Variants in SLC39A11 observed in about 807,000 individuals in gnomAD.
SLC39A11 encodes the protein solute carrier family 39 member 11, also known as zinc transporter ZIP11.
SLC39A11 carries 33 observed loss-of-function variants against 36.1 expected under a neutral mutation model. The observed-to-expected ratio is 0.91, with a 90% CI of 0.69 to 1.22. The LOEUF (loss-of-function observed/expected upper bound fraction) is 1.22, where lower values mean the gene tolerates loss of function less well. Among genes scored for constraint, SLC39A11 ranks in the 50% most tolerant of loss-of-function variants. The pLI is 0.00. For synonymous variants in SLC39A11, 166 were observed against 170.3 expected (o/e 0.97, Z 0.20); for missense variants, 432 against 430.3 (o/e 1.00, Z -0.03).
intron 2 of SLC39A11, among the ~76,000 whole-genome samples, chr17:73,088,154 C>G (rs376983753): frequency 7.2e-5 from 11 of 152,078 alleles, no homozygotes; most frequent in African/African-American, 2.4e-4. Flanking sequence ...ATTAGCCAGG[C>G]GTGGTGGCAC....
At chr17:72,869,411 T>C (rs1010802929) in intron 5 of SLC39A11, among the ~76,000 whole-genome samples, 3 of 152,348 alleles carry the variant, frequency 2.0e-5, no homozygotes, top group East Asian at 1.9e-4. Flanking sequence ...ATTTTTGAGA[T>C]GGAGTTTCGC....
At chr17:73,088,298 AAAAAAAG>A (rs1310246565) in intron 2 of SLC39A11, among the ~76,000 whole-genome samples, 37 of 151,154 alleles carry the variant, frequency 2.4e-4, no homozygotes, top group Middle Eastern at 3.4e-3. Flanking sequence ...TGTCTCAAAA[AAAAAAAG>A]AAAAAAGAAA....
intron 4 of SLC39A11, among the ~76,000 whole-genome samples, chr17:72,968,262 A>G (rs2087167540): frequency 1.3e-5 from 2 of 152,232 alleles, no homozygotes; most frequent in South Asian, 4.1e-4. Context: ...GTAACTATGG[A>G]GAGCCTGAGA....
chr17:72,783,004 CAAAAAA>C (rs34750819), intron 6 of SLC39A11, among the ~76,000 whole-genome samples: 2 of 81,008 alleles, frequency 2.5e-5, no homozygotes, highest in Non-Finnish European at 4.2e-5. Context: ...TCTGTCTCAA[CAAAAAA>C]AAAAAAAAAA....
chr17:72,837,578 A>G (rs1163041894), intron 6 of SLC39A11, among the ~76,000 whole-genome samples: 1 of 152,254 alleles, frequency 6.6e-6, no homozygotes, highest in Non-Finnish European at 1.5e-5. Flanking sequence ...ACAGGTCCAT[A>G]CAAAGACATA....
chr17:72,827,269 A>C (rs1401263365), intron 6 of SLC39A11, among the ~76,000 whole-genome samples: 1 of 152,246 alleles, frequency 6.6e-6, no homozygotes, highest in East Asian at 1.9e-4. Flanking sequence ...TTTCATTTAT[A>C]TGAAATGTTC....
chr17:72,853,467 T>C (rs2079476751), intron 5 of SLC39A11, among the ~76,000 whole-genome samples: 1 of 152,012 alleles, frequency 6.6e-6, no homozygotes, highest in Non-Finnish European at 1.5e-5. Flanking sequence ...AGGATCCTAC[T>C]CTGAATCTCC....
intron 5 of SLC39A11, among the ~76,000 whole-genome samples, chr17:72,906,423 T>C (rs1417006511): frequency 2.0e-5 from 3 of 152,228 alleles, no homozygotes; most frequent in Non-Finnish European, 4.4e-5. Flanking sequence ...GCTTCCTTCC[T>C]ACCCAAAACC....
intron 7 of SLC39A11, among the ~76,000 whole-genome samples, chr17:72,674,101 T>TA (rs1372474790): frequency 6.6e-6 from 1 of 152,140 alleles, no homozygotes; most frequent in East Asian, 1.9e-4. Context: ...TAGACTTGTA[T>TA]AGACAACTGT....
intron 5 of SLC39A11, among the ~76,000 whole-genome samples, chr17:72,927,400 C>T (rs2084111219): frequency 6.6e-6 from 1 of 152,178 alleles, no homozygotes; most frequent in Admixed American, 6.5e-5. Context: ...TGAAGCATTT[C>T]CAAGCCTGTT....
intron 5 of SLC39A11, among the ~76,000 whole-genome samples, chr17:72,931,157 C>T (rs1163091939): frequency 6.6e-6 from 1 of 152,040 alleles, no homozygotes; most frequent in Non-Finnish European, 1.5e-5. Context: ...AAGAGGAGTA[C>T]AGGCCCAAAA....
In SLC39A11 at chr17:72,849,673, C is replaced by A. The variant is rs962304074; in HGVS notation, c.562G>T (p.Ala188Ser). The change falls in exon 6 of 10, where the codon GCA becomes TCA. Residue 188 changes from alanine to serine, a missense_variant. Ala to Ser is a moderately conservative substitution (Grantham distance 99). Transcript: ENST00000255559. ...ATAGTGATGGCCAAGATGAGCAGTG[C>A]GATCCTCCTCCAGCTGCTGCCGCCG... ...QPGGSSWRRIALLILAITIHN... is the reference protein window; with the variant it reads ...QPGGSSWRRISLLILAITIHN... 1.2e-6 allele frequency: 2 copies of A among 1,602,976 alleles called. No homozygotes were observed. The highest frequency in any genetic ancestry group is 2.7e-5 in the African/African-American group (2 of 74,250).
chr17:72,755,593 T>C (rs1314511410), intron 6 of SLC39A11, among the ~76,000 whole-genome samples: 1 of 152,266 alleles, frequency 6.6e-6, no homozygotes, highest in African/African-American at 2.4e-5. Context: ...AAGTCAGGCA[T>C]AAATGCCAAA....
chr17:72,849,889 G>T, intron 5 of SLC39A11, 85 bp from the exon 6 acceptor site: 1 of 1,287,940 alleles, frequency 7.8e-7, no homozygotes, highest in South Asian at 1.7e-5. Flanking sequence ...GCTACAGCAG[G>T]AAGAAGCTTC....
chr17:73,031,941 G>A (rs2058751073), intron 3 of SLC39A11, among the ~76,000 whole-genome samples: 1 of 152,148 alleles, frequency 6.6e-6, no homozygotes, highest in African/African-American at 2.4e-5. Context: ...TTGACCTTGG[G>A]AGGATGCAGT....
chr17:72,698,938 C>T (rs1598381196), intron 7 of SLC39A11, among the ~76,000 whole-genome samples: 1 of 152,300 alleles, frequency 6.6e-6, no homozygotes, highest in South Asian at 2.1e-4. Flanking sequence ...TCACGCCATT[C>T]TCCTGCCTCA....
At chr17:72,897,120 C>A (rs1411428553) in intron 5 of SLC39A11, among the ~76,000 whole-genome samples, 1 of 144,848 alleles carries the variant, frequency 6.9e-6, no homozygotes, top group Non-Finnish European at 1.5e-5. Flanking sequence ...AGCACTCCAA[C>A]AACAGAAATT....
At chr17:72,678,662 G>A (rs1039467549) in intron 7 of SLC39A11, among the ~76,000 whole-genome samples, 9 of 151,882 alleles carry the variant, frequency 5.9e-5, no homozygotes, top group African/African-American at 9.7e-5. Context: ...CCGAGATTGC[G>A]CCACTGCACT....
At chr17:72,922,535 G>T (rs139440386) in intron 5 of SLC39A11, among the ~76,000 whole-genome samples, 5 of 152,324 alleles carry the variant, frequency 3.3e-5, no homozygotes, top group East Asian at 1.9e-4. Context: ...GAAGAAAGAG[G>T]CCTCGAGGAA....
Sources: gnomAD v4.1 joint callset for allele counts (sites outside exome capture counted in the v4.1 genomes callset) on GRCh38, gnomAD v4.1.1 for gene constraint, MANE v1.5 for transcripts, NCBI Gene and HGNC (gene_info 2026-07-23, HGNC 2026-07-21) for gene names.